CDH12: variants seen among roughly 807,000 people sequenced by gnomAD.
CDH12 encodes the protein cadherin 12.
Under a neutral mutation model 74.1 loss-of-function variants are expected in CDH12, and 41 were observed. The observed-to-expected ratio is 0.55, with a 90% confidence interval of 0.43 to 0.72. The LOEUF (loss-of-function observed/expected upper bound fraction) is 0.72, where lower values mean the gene tolerates loss of function less well. Ranked by LOEUF, CDH12 falls within the 30% of genes least tolerant of loss-of-function variation. The pLI, the probability that CDH12 is intolerant of heterozygous loss-of-function variation, is 0.00. For missense variants in CDH12, 945 were observed against 977.2 expected (o/e 0.97, Z 0.44); for synonymous variants, 399 against 355.0 (o/e 1.12, Z -1.39).
intron 11 of CDH12, among the ~76,000 whole-genome samples, chr5:21,781,071 G>T (rs1745879549): frequency 6.6e-6 from 1 of 152,100 alleles, no homozygotes; most frequent in Non-Finnish European, 1.5e-5. Flanking sequence ...AAGCCTAACT[G>T]CCCAAAGAGG....
chr5:21,911,643 A>G (rs1276367016), intron 6 of CDH12, among the ~76,000 whole-genome samples: 1 of 152,116 alleles, frequency 6.6e-6, no homozygotes, highest in Admixed American at 6.6e-5. Context: ...AGGATGCACG[A>G]CATTTTAACC....
At chr5:21,853,054 C>A (rs933914788) in intron 7 of CDH12, among the ~76,000 whole-genome samples, 16 of 151,524 alleles carry the variant, frequency 1.1e-4, no homozygotes, top group African/African-American at 3.1e-4. Flanking sequence ...TCATAAACTT[C>A]ATTGAACAAC....
At chr5:22,026,175 C>T (rs980650994) in intron 5 of CDH12, among the ~76,000 whole-genome samples, 18 of 152,056 alleles carry the variant, frequency 1.2e-4, no homozygotes, top group African/African-American at 3.1e-4. Flanking sequence ...AGAGGCATGG[C>T]GCCAGGCACT....
intron 5 of CDH12, among the ~76,000 whole-genome samples, chr5:22,013,010 A>G (rs573680874): frequency 0.018 from 2,680 of 149,382 alleles, 36 homozygotes; most frequent in Middle Eastern, 0.048. Context: ...ATTACAATTT[A>G]TACCAAACTG....
chr5:22,088,419 C>G (rs1743205214), intron 4 of CDH12, among the ~76,000 whole-genome samples: 1 of 152,098 alleles, frequency 6.6e-6, no homozygotes, highest in Admixed American at 6.6e-5. Context: ...CTCTCCTTGC[C>G]TTAGGTTTCT....
intron 4 of CDH12, among the ~76,000 whole-genome samples, chr5:22,099,762 C>G (rs971349161): frequency 4.6e-5 from 7 of 152,196 alleles, no homozygotes; most frequent in African/African-American, 1.2e-4. Flanking sequence ...GCTGGCAGAA[C>G]TATGCTGAAT....
At position 21,963,616 on chromosome 5, in the gene CDH12, G is replaced by T. The variant is rs1756456605; in HGVS notation, c.526+11475C>A. Among the ~76,000 whole-genome samples the T allele has an allele frequency of 2.0e-5, 3 of 152,058 alleles. No homozygotes were observed. The South Asian group carries it at 6.2e-4, about 31-fold the overall frequency. Reference sequence around the variant, plus strand: ...ATCATTGTTTATAGTGAAAAGGCAAGTCCCTCCAATAATTCTATTACGGCC... The same window carrying T: ...ATCATTGTTTATAGTGAAAAGGCAATTCCCTCCAATAATTCTATTACGGCC... On this transcript the variant is annotated intron_variant, in intron 6 of 14. Transcript: ENST00000382254.
At chr5:22,552,392 G>A (rs1251609568) in intron 1 of CDH12, among the ~76,000 whole-genome samples, 4 of 150,662 alleles carry the variant, frequency 2.7e-5, no homozygotes, top group African/African-American at 9.7e-5. Context: ...TCTCCTTCAG[G>A]AGAAAAATGA....
chr5:22,828,804 C>T (rs1489910873), intron 1 of CDH12, among the ~76,000 whole-genome samples: 3 of 152,078 alleles, frequency 2.0e-5, no homozygotes, highest in African/African-American at 7.2e-5. Flanking sequence ...TACATGAAGA[C>T]TTGTTCGAAG....
chr5:21,941,083 A>T (rs1370558289), intron 6 of CDH12, among the ~76,000 whole-genome samples: 1 of 152,160 alleles, frequency 6.6e-6, no homozygotes, highest in Non-Finnish European at 1.5e-5. Flanking sequence ...GTAATTTGGT[A>T]CACCTTTTAA....
intron 3 of CDH12, among the ~76,000 whole-genome samples, chr5:22,342,366 TGAG>T (rs968861234): frequency 6.6e-6 from 1 of 152,192 alleles, no homozygotes. Context: ...TCTAGAGATT[TGAG>T]GAGAATTATT....
intron 3 of CDH12, among the ~76,000 whole-genome samples, chr5:22,388,402 A>G (rs1427124403): frequency 1.3e-5 from 2 of 152,070 alleles, no homozygotes; most frequent in East Asian, 3.8e-4. Context: ...TCATATGAAA[A>G]TTTATTTGAG....
chr5:22,190,085 A>G (rs1750184536), intron 4 of CDH12, among the ~76,000 whole-genome samples: 2 of 152,080 alleles, frequency 1.3e-5, no homozygotes, highest in Admixed American at 6.6e-5. Flanking sequence ...ATAATTAGAT[A>G]ACGGACATGA....
At chr5:22,241,577 T>C (rs1752754788) in intron 3 of CDH12, among the ~76,000 whole-genome samples, 3 of 152,040 alleles carry the variant, frequency 2.0e-5, no homozygotes, top group Non-Finnish European at 1.5e-5. Context: ...ACGTAATTCT[T>C]ATATTTTCTG....
chr5:22,519,186 A>T (rs1736938831), intron 1 of CDH12, among the ~76,000 whole-genome samples: 1 of 152,180 alleles, frequency 6.6e-6, no homozygotes. Context: ...CAAGAGGCAC[A>T]GGACTAAGAG....
chr5:22,644,284 A>C (rs1409727658), intron 1 of CDH12, among the ~76,000 whole-genome samples: 1 of 152,124 alleles, frequency 6.6e-6, no homozygotes, highest in East Asian at 1.9e-4. Context: ...GTGAATGCAA[A>C]AGAAAAGTTA....
intron 2 of CDH12, among the ~76,000 whole-genome samples, chr5:22,438,470 T>G (rs2126536541): frequency 6.6e-6 from 1 of 152,214 alleles, no homozygotes; most frequent in Admixed American, 6.6e-5. Context: ...GTTTCAAGTT[T>G]AAACAAGAGT....
chr5:22,843,495 T>C (rs565766165), intron 1 of CDH12, among the ~76,000 whole-genome samples: 2 of 152,156 alleles, frequency 1.3e-5, no homozygotes, highest in East Asian at 1.9e-4. Flanking sequence ...GCTTCCTCTA[T>C]TGTGTGAAAG....
intron 2 of CDH12, among the ~76,000 whole-genome samples, chr5:22,473,410 A>T (rs1746047085): frequency 6.6e-6 from 1 of 152,104 alleles, no homozygotes; most frequent in Non-Finnish European, 1.5e-5. Flanking sequence ...GCTATATTCC[A>T]ACACTCTAAA....
Sources: allele counts gnomAD v4.1 joint callset (sites outside exome capture counted in the v4.1 genomes callset), GRCh38; gene constraint gnomAD v4.1.1; transcripts MANE v1.5; gene names NCBI Gene and HGNC (gene_info 2026-07-23, HGNC 2026-07-21).